Variants in MLLT10 observed in about 807,000 individuals in gnomAD.
MLLT10 encodes the protein MLLT10 histone lysine methyltransferase DOT1L cofactor.
In MLLT10, 30 loss-of-function variants were observed where a neutral mutation model predicts 129.1. The ratio of observed to expected loss-of-function variants is 0.23; its 90% CI spans 0.17 to 0.32. The LOEUF (loss-of-function observed/expected upper bound fraction) is 0.32, where lower values mean the gene tolerates loss of function less well. Among genes scored for constraint, MLLT10 ranks in the 10% least tolerant of loss-of-function variants. The probability of loss-of-function intolerance (pLI) is 1.00; values close to 1 mark genes in which losing one functional copy is unlikely to be tolerated. For synonymous variants in MLLT10, 490 were observed against 446.4 expected (o/e 1.10, Z -1.23); for missense variants, 1,119 against 1,268.3 (o/e 0.88, Z 1.79).
chr10:21,651,855 C>T, intron 9 of MLLT10, 87 bp downstream of exon 9: 2 of 543,756 alleles, frequency 3.7e-6, no homozygotes, highest in Non-Finnish European at 6.2e-6. Flanking sequence ...CATTCCCTAA[C>T]TTTTCCCAGC....
At chr10:21,717,644 CTCCTCCTCT>C (rs2056753311) in intron 14 of MLLT10, among the ~76,000 whole-genome samples, 1 of 128,440 alleles carries the variant, frequency 7.8e-6, no homozygotes, top group African/African-American at 2.9e-5. Flanking sequence ...CCTCCTTTTC[CTCCTCCTCT>C]TCCTCCTCCT....
At chr10:21,654,882 A>G (rs2049396490) in intron 9 of MLLT10, among the ~76,000 whole-genome samples, 1 of 151,968 alleles carries the variant, frequency 6.6e-6, no homozygotes, top group African/African-American at 2.4e-5. Flanking sequence ...AAATTAAGGG[A>G]TTGTTGAAGG....
chr10:21,654,336 A>G (rs1209825835), intron 9 of MLLT10, among the ~76,000 whole-genome samples: 2 of 152,210 alleles, frequency 1.3e-5, no homozygotes, highest in Non-Finnish European at 2.9e-5. Context: ...GGAATGATTC[A>G]GTAGAGAGGA....
At chr10:21,660,496 G>A (rs2050069412) in intron 9 of MLLT10, among the ~76,000 whole-genome samples, 1 of 150,690 alleles carries the variant, frequency 6.6e-6, no homozygotes, top group African/African-American at 2.4e-5. Context: ...CAGGCCCATA[G>A]TCCCAGCTAC....
At chr10:21,643,367 T>A (rs1378629097) in intron 8 of MLLT10, among the ~76,000 whole-genome samples, 1 of 152,214 alleles carries the variant, frequency 6.6e-6, no homozygotes, top group Admixed American at 6.5e-5. Flanking sequence ...TTCTATTTTT[T>A]CAGGTAGTGA....
At chr10:21,610,781 A>G (rs191142874) in intron 5 of MLLT10, among the ~76,000 whole-genome samples, 15 of 151,760 alleles carry the variant, frequency 9.9e-5, no homozygotes, top group East Asian at 7.7e-4. Context: ...TACTGTTTCA[A>G]TGTGCTCTAT....
intron 5 of MLLT10, among the ~76,000 whole-genome samples, chr10:21,605,263 A>C (rs1364816550): frequency 6.6e-6 from 1 of 152,138 alleles, no homozygotes; most frequent in Non-Finnish European, 1.5e-5. Flanking sequence ...GGCGTGGCTG[A>C]CTGGGAGTTG....
At chr10:21,623,849 G>T (rs1212804566) in intron 8 of MLLT10, among the ~76,000 whole-genome samples, 2 of 152,148 alleles carry the variant, frequency 1.3e-5, no homozygotes, top group Non-Finnish European at 2.9e-5. Context: ...TGACTTGTTC[G>T]AAGGTCAGTG....
At chr10:21,682,975 G>A (rs891049470) in intron 13 of MLLT10, among the ~76,000 whole-genome samples, 3 of 152,062 alleles carry the variant, frequency 2.0e-5, no homozygotes, top group African/African-American at 4.8e-5. Flanking sequence ...TCATTTGTTC[G>A]AGACTGTTTA....
intron 4 of MLLT10, among the ~76,000 whole-genome samples, chr10:21,595,013 G>A (rs982224107): frequency 6.6e-6 from 1 of 152,096 alleles, no homozygotes; most frequent in African/African-American, 2.4e-5. Context: ...TCCTTTTATA[G>A]TGGTTCTCAG....
At chr10:21,733,732 T>G in intron 19 of MLLT10, 36 bp from the exon 20 acceptor site, 2 of 1,571,178 alleles carry the variant, frequency 1.3e-6, no homozygotes, top group South Asian at 2.4e-5. Flanking sequence ...GGACTTAATG[T>G]CCAGTGGACT....
intron 9 of MLLT10, among the ~76,000 whole-genome samples, chr10:21,659,659 C>T (rs946410961): frequency 1.3e-5 from 2 of 151,842 alleles, no homozygotes; most frequent in Non-Finnish European, 2.9e-5. Context: ...TATAGGTGCC[C>T]ACCACCACGC....
intron 21 of MLLT10, among the ~76,000 whole-genome samples, chr10:21,737,503 C>T (rs1325548183): frequency 6.6e-6 from 1 of 152,150 alleles, no homozygotes; most frequent in African/African-American, 2.4e-5. Context: ...ACTGCCCCAG[C>T]AAGGCAGGCA....
intron 6 of MLLT10, among the ~76,000 whole-genome samples, chr10:21,612,956 G>A (rs2044803385): frequency 6.6e-6 from 1 of 152,018 alleles, no homozygotes. Context: ...CACTTTGGGA[G>A]GCCGAGGTGG....
At chr10:21,680,670 C>G (rs1346284994) in intron 11 of MLLT10, among the ~76,000 whole-genome samples, 1 of 152,084 alleles carries the variant, frequency 6.6e-6, no homozygotes, top group Non-Finnish European at 1.5e-5. Flanking sequence ...GTAAGCTCTT[C>G]CCATCTAATG....
At chr10:21,568,670 C>T (rs569824696) in intron 3 of MLLT10, among the ~76,000 whole-genome samples, 1 of 151,354 alleles carries the variant, frequency 6.6e-6, no homozygotes, top group East Asian at 1.9e-4. Flanking sequence ...ACAGATTCTC[C>T]CTCTGTCTCC....
chr10:21,606,769 G>T (rs1288790510), intron 5 of MLLT10, among the ~76,000 whole-genome samples: 1 of 152,206 alleles, frequency 6.6e-6, no homozygotes, highest in Non-Finnish European at 1.5e-5. Context: ...TTCCTCTGAA[G>T]ATGGTGTAAA....
intron 3 of MLLT10, among the ~76,000 whole-genome samples, chr10:21,551,143 T>G (rs2036941115): frequency 6.6e-6 from 1 of 151,876 alleles, no homozygotes; most frequent in Non-Finnish European, 1.5e-5. Flanking sequence ...GTCAGGTTGG[T>G]CTCGAGCTCC....
intron 4 of MLLT10, among the ~76,000 whole-genome samples, chr10:21,589,595 T>A (rs1334510961): frequency 6.6e-6 from 1 of 152,218 alleles, no homozygotes; most frequent in Non-Finnish European, 1.5e-5. Flanking sequence ...GCTTTTTTCC[T>A]CTTTCTGAAT....
Sources: gnomAD v4.1 joint callset for allele counts (sites outside exome capture counted in the v4.1 genomes callset) on GRCh38, gnomAD v4.1.1 for gene constraint, MANE v1.5 for transcripts, NCBI Gene and HGNC (gene_info 2026-07-23, HGNC 2026-07-21) for gene names.